Variants in PDE6B observed in about 807,000 individuals in gnomAD.
PDE6B encodes rod cGMP-specific 3',5'-cyclic phosphodiesterase subunit beta.
In PDE6B, 106 loss-of-function variants were observed where a neutral mutation model predicts 109.0. The ratio of observed to expected loss-of-function variants is 0.97; its 90% CI spans 0.83 to 1.14. PDE6B has a LOEUF of 1.14. Among genes scored for constraint, PDE6B ranks in the 50% most tolerant of loss-of-function variants. The pLI is 0.00. For synonymous variants in PDE6B, 490 were observed against 471.3 expected, an observed-to-expected ratio of 1.04 and a Z score of -0.51; for missense variants, 1,193 against 1,155.6, an observed-to-expected ratio of 1.03 and a Z score of -0.47.
chr4:662,022 G>A lies in PDE6B; in HGVS notation c.1615-112G>A. Reference sequence around the variant, plus strand: ...AAGATCGGGAAGTCCAGGAGACGGTGTGGGGATGATGGCACGGAGCAGGGC... The same window carrying A: ...AAGATCGGGAAGTCCAGGAGACGGTATGGGGATGATGGCACGGAGCAGGGC... On this transcript the variant is annotated intron_variant, in intron 12 of 21. Transcript: ENST00000496514. This position sits in a 1 kb window ranked among gnomAD's most constrained non-coding sequence, Gnocchi z 4.3. 1 of 706,120 alleles carries A rather than the reference G, an allele frequency of 1.4e-6. No individual in the cohort carries two copies. Among genetic ancestry groups the A allele is most frequent in the Non-Finnish European group, 2.6e-6 (1 of 384,276 alleles). 43.7% of individuals were successfully genotyped at this position (706,120 alleles called of 1,614,324 possible).
At position 660,586 on chromosome 4, in the gene PDE6B, G is replaced by T; in HGVS notation, c.1587G>T (p.Val529=). 6.2e-7 allele frequency: 1 copy of T among 1,613,788 alleles called. No homozygotes were observed. Among genetic ancestry groups the T allele is most frequent in the South Asian group, 1.1e-5 (1 of 91,078 alleles). ...TCCAGATGTACTACGAGCTGGGCGT[G>T]GTCCGAAAGTTCCAGATCCCCCAGG... ...CGIQMYYELG[V]VRKFQIPQEV... The change falls in exon 12 of 22, where the codon GTG becomes GTT. Residue 529 remains valine (V), a synonymous_variant. Transcript: ENST00000496514.
At chr4:646,704 C>T (rs1224102721) in intron 3 of PDE6B, among the ~76,000 whole-genome samples, 2 of 152,022 alleles carry the variant, frequency 1.3e-5, no homozygotes, top group East Asian at 3.8e-4. Context: ...AGCCTCCGGC[C>T]GGGCGGCGGC....
At chr4:634,901 C>A in intron 2 of PDE6B, 72 bp downstream of exon 2, 2 of 1,354,642 alleles carry the variant, frequency 1.5e-6, no homozygotes, top group Non-Finnish European at 2.1e-6. Context: ...CTGTTCTGTG[C>A]TGCGCATCCA....
intron 1 of PDE6B, among the ~76,000 whole-genome samples, chr4:628,148 A>G (rs1375390053): frequency 6.8e-6 from 1 of 147,196 alleles, no homozygotes; most frequent in Non-Finnish European, 1.5e-5. Flanking sequence ...CTGAATTGCC[A>G]CCAAAAAAAG....
intron 21 of PDE6B, among the ~76,000 whole-genome samples, chr4:669,797 C>G (rs1214194084): frequency 1.3e-5 from 2 of 151,968 alleles, no homozygotes; most frequent in Non-Finnish European, 2.9e-5. Flanking sequence ...TTCCCGCTAT[C>G]CTATGCTACA....
chr4:660,186 G>A (rs1736896781), intron 11 of PDE6B, among the ~76,000 whole-genome samples: 3 of 152,188 alleles, frequency 2.0e-5, no homozygotes, highest in Non-Finnish European at 4.4e-5. Flanking sequence ...CTTTTCATGT[G>A]CACACCTTTG....
intron 1 of PDE6B, among the ~76,000 whole-genome samples, chr4:629,918 G>A (rs1164734060): frequency 6.6e-6 from 1 of 152,168 alleles, no homozygotes; most frequent in Non-Finnish European, 1.5e-5. Context: ...AGCAAATGCA[G>A]GGGGTTCCCA....
At chr4:657,096 T>G (rs1577282013) in intron 9 of PDE6B, 73 bp downstream of exon 9, 1 of 1,456,912 alleles carries the variant, frequency 6.9e-7, no homozygotes, top group South Asian at 1.1e-5. Context: ...TGTGGGGGCC[T>G]CCCCGCCAAG....
At chr4:667,167 C>A (rs192773387) in intron 20 of PDE6B, among the ~76,000 whole-genome samples, 1 of 152,170 alleles carries the variant, frequency 6.6e-6, no homozygotes, top group South Asian at 2.1e-4. Context: ...AGGGGTCTGA[C>A]CGTGGGGCCC....
rs1263635426 is a variant in PDE6B at position 662,528 on chromosome 4, A to G, written c.1742A>G (p.Tyr581Cys). The G allele has an allele frequency of 6.2e-7, 1 of 1,612,024 alleles. No individual in the cohort carries two copies. The highest frequency in any genetic ancestry group is 8.5e-7 in the Non-Finnish European group (1 of 1,178,850). The change falls in exon 14 of 22, where the codon TAC (tyrosine) becomes TGC (cysteine). Residue 581 changes from tyrosine (Y) to cysteine (C), a missense_variant. Physicochemically the swap from Tyr to Cys is radical, Grantham distance 194. Coordinates refer to ENST00000496514, the MANE Select transcript of PDE6B (RefSeq NM_000283.4). The surrounding 1 kb of genome is among the most constrained non-coding windows in gnomAD (Gnocchi z 4.3). ...TLLMTGKLKS[Y>C]YTDLEAFAMV... ...CTACAGACCGGCAAACTGAAGAGCT[A>G]CTACACGGACCTGGAGGCCTTCGCC...
intron 1 of PDE6B, among the ~76,000 whole-genome samples, chr4:631,746 TG>T (rs1304861443): frequency 6.6e-6 from 1 of 151,954 alleles, no homozygotes; most frequent in Non-Finnish European, 1.5e-5. Context: ...TCACATTGTG[TG>T]GGTCCATGTG....
chr4:646,353 A>C (rs942257246), intron 3 of PDE6B, among the ~76,000 whole-genome samples: 1 of 151,402 alleles, frequency 6.6e-6, no homozygotes, highest in African/African-American at 2.4e-5. Context: ...GTCTCGTTCC[A>C]CTCTTGGTCA....
rs1736757416 is a variant in PDE6B at position 659,429 on chromosome 4, ATGTGTGCACGCACATGGGTGTC to A, written c.1467+421_1467+442del. On this transcript the variant is annotated intron_variant, in intron 11 of 21. Transcript: ENST00000496514. ...CAACTCCCAGTGTGTGTGCATCCGCATGTGTGCACGCACATGGGTGTCTGTGTGCATGTGTGTGCACATGTGG... is the reference window on the plus strand; with the variant it reads ...CAACTCCCAGTGTGTGTGCATCCGCATGTGTGCATGTGTGTGCACATGTGG... Among the ~76,000 whole-genome samples, 8 of 152,142 alleles carry A rather than the reference ATGTGTGCACGCACATGGGTGTC, an allele frequency of 5.3e-5. No individual in the cohort carries two copies. In the South Asian group the frequency reaches 1.5e-3, roughly 28 times the overall value.
rs71602499 is a variant in PDE6B, at chr4:669,283, G to A, written c.2504-763G>A. ...GCTATTCCCACTACTCCATGCTGCT[G>A]CCACTACCCCATGCTAGTCCCACTA... is the stretch of plus-strand genomic sequence containing the variant. On this transcript the variant is annotated intron_variant, in intron 21 of 21. Coordinates refer to ENST00000496514, the MANE Select transcript of PDE6B (RefSeq NM_000283.4). Among the ~76,000 whole-genome samples, 16 of 128,500 alleles carry A rather than the reference G, an allele frequency of 1.2e-4. No individual in the cohort carries two copies. In the East Asian group the frequency reaches 3.5e-3, roughly 29 times the overall value. The allele number at this position is 128,500 out of a possible 152,430, so 84.3% of individuals were successfully genotyped here.
At chr4:638,498 T>C (rs1360471796) in intron 3 of PDE6B, among the ~76,000 whole-genome samples, 10 of 152,086 alleles carry the variant, frequency 6.6e-5, no homozygotes, top group Admixed American at 6.5e-4. Flanking sequence ...AGTTTTTGTA[T>C]TTTTAGTAGA....
chr4:667,538 TCCGCCTGTGCCCA>T (rs1347520332), intron 20 of PDE6B, among the ~76,000 whole-genome samples: 1 of 152,154 alleles, frequency 6.6e-6, no homozygotes, highest in Non-Finnish European at 1.5e-5. Context: ...CTGCCTGCTG[TCCGCCTGTGCCCA>T]CCACCCCTCT....
rs1288628967 is a variant in PDE6B, at chr4:663,665, C to T, written c.1921-105C>T. On this transcript the variant is annotated intron_variant, in intron 15 of 21. Transcript: ENST00000496514. This position sits in a 1 kb window ranked among gnomAD's most constrained non-coding sequence, Gnocchi z 4.0. ...GTCCCGCCCACCGAGGGCCCGAGGG[C>T]GGGGGCGTGAGAGGCACAGGCAGCC... is the stretch of plus-strand genomic sequence containing the variant. 1 of 805,590 alleles carries T rather than the reference C, an allele frequency of 1.2e-6. No individual in the cohort carries two copies. Among genetic ancestry groups the T allele is most frequent in the Non-Finnish European group, 2.2e-6 (1 of 464,278 alleles). The allele number at this position is 805,590 out of a possible 1,614,324, so 49.9% of individuals were successfully genotyped here.
At chr4:661,954 C>T in intron 12 of PDE6B, 180 bp from the exon 13 acceptor site, 1 of 639,524 alleles carries the variant, frequency 1.6e-6, no homozygotes, top group South Asian at 1.7e-5. Flanking sequence ...CAGCCCCTAC[C>T]CAGGAAGGCC....
intron 11 of PDE6B, among the ~76,000 whole-genome samples, chr4:660,099 C>T (rs556524616): frequency 6.6e-6 from 1 of 152,108 alleles, no homozygotes; most frequent in Non-Finnish European, 1.5e-5. Flanking sequence ...ACACCGGTGC[C>T]TTTGTATTCA....
Sources: allele counts gnomAD v4.1 joint callset (sites outside exome capture counted in the v4.1 genomes callset), GRCh38; gene constraint gnomAD v4.1.1; non-coding constraint Gnocchi (gnomAD v3.1); transcripts MANE v1.5; gene names NCBI Gene and HGNC (gene_info 2026-07-23, HGNC 2026-07-21).